Variants in PCDHGB3 observed in about 807,000 individuals in gnomAD.
The protein encoded by PCDHGB3 is protocadherin gamma subfamily B, 3.
PCDHGB3 carries 40 observed loss-of-function variants against 59.2 expected under a neutral mutation model. The ratio of observed to expected loss-of-function variants is 0.68; its 90% confidence interval spans 0.52 to 0.88. PCDHGB3 has a LOEUF of 0.88. Ranked by LOEUF, PCDHGB3 falls within the 40% of genes least tolerant of loss-of-function variation. PCDHGB3 has a pLI of 0.00. For synonymous variants in PCDHGB3, 581 were observed against 503.6 expected (o/e 1.15, Z -2.06); for missense variants, 1,309 against 1,187.9 (o/e 1.10, Z -1.50).
chr5:141,388,448 C>CA, intron 1 of PCDHGB3: 1 of 1,613,760 alleles, frequency 6.2e-7, no homozygotes, highest in Non-Finnish European at 8.5e-7. Context: ...AATCAGATGG[C>CA]AGTAAATACC....
intron 1 of PCDHGB3, chr5:141,392,820 G>C (rs1474865202): frequency 1.3e-6 from 2 of 1,592,748 alleles, no homozygotes; most frequent in Admixed American, 3.6e-5. Context: ...AACAATGGCC[G>C]CTCCACAGAG....
chr5:141,424,140 C>A, intron 1 of PCDHGB3: 1 of 356,082 alleles, frequency 2.8e-6, no homozygotes, highest in Non-Finnish European at 4.1e-6. Flanking sequence ...TAATAGCATG[C>A]TCCCTCTAGC....
In PCDHGB3 at chr5:141,414,653, A is replaced by G. The variant is rs2095771118; in HGVS notation, c.2415+41844A>G. ...AGCAAAGAGAATGCCCAGATTATTT[A>G]CTCCCTGGCTGAAGACACCATCCAG... On this transcript the variant is annotated intron_variant, in intron 1 of 3. Coordinates refer to ENST00000576222, the MANE Select transcript of PCDHGB3 (RefSeq NM_018924.5). 6.2e-7 allele frequency: 1 copy of G among 1,613,644 alleles called. No homozygotes were observed.
chr5:141,384,982 G>C, intron 1 of PCDHGB3: 1 of 1,614,144 alleles, frequency 6.2e-7, no homozygotes, highest in Non-Finnish European at 8.5e-7. Flanking sequence ...GTACCTGGTG[G>C]TGGCGGTGGC....
At chr5:141,506,993 C>T (rs781663602) in intron 3 of PCDHGB3, 18 of 152,184 alleles carry the variant, frequency 1.2e-4, no homozygotes, top group Non-Finnish European at 1.8e-4. Context: ...TTCTCACACT[C>T]GACAGATGAG....
At position 141,470,874 on chromosome 5, in the gene PCDHGB3, T is replaced by G. The variant is rs146599745; in HGVS notation, c.2416-23933T>G. ...AGATAAGTTTTTTGTTTGTTTGTTT[T>G]TTTGTTTTTGTTTTTGTTTTTTGTA... On this transcript the variant is annotated intron_variant, in intron 1 of 3. Coordinates refer to ENST00000576222, the MANE Select transcript of PCDHGB3 (RefSeq NM_018924.5). 1.4e-3 allele frequency among the ~76,000 whole-genome samples: 218 copies of G among 151,820 alleles called. 1 individual carries two copies. Among genetic ancestry groups the G allele is most frequent in the Middle Eastern group, 0.01 (3 of 294 alleles).
At chr5:141,437,939 T>C (rs1055613655) in intron 1 of PCDHGB3, among the ~76,000 whole-genome samples, 3 of 152,152 alleles carry the variant, frequency 2.0e-5, no homozygotes, top group African/African-American at 7.2e-5. Flanking sequence ...GGTTTCACCA[T>C]ATTGGCCAGA....
At chr5:141,492,385 G>A (rs1224771842) in intron 1 of PCDHGB3, among the ~76,000 whole-genome samples, 1 of 152,208 alleles carries the variant, frequency 6.6e-6, no homozygotes, top group Non-Finnish European at 1.5e-5. Context: ...GGCCTGTTCC[G>A]GTCCACTCGC....
At chr5:141,402,335 G>A (rs1157845729) in intron 1 of PCDHGB3, among the ~76,000 whole-genome samples, 1 of 151,508 alleles carries the variant, frequency 6.6e-6, no homozygotes, top group Non-Finnish European at 1.5e-5. Context: ...CAAATATATA[G>A]GTATAAAAAT....
At position 141,476,172 on chromosome 5, in the gene PCDHGB3, T is replaced by C; in HGVS notation, c.2416-18635T>C. 6.2e-7 allele frequency: 1 copy of C among 1,612,930 alleles called. No individual in the cohort carries two copies. The highest frequency in any genetic ancestry group is 1.1e-5 in the South Asian group (1 of 91,026). On this transcript the variant is annotated intron_variant, in intron 1 of 3. Coordinates refer to ENST00000576222, the MANE Select transcript of PCDHGB3 (RefSeq NM_018924.5). This position sits in a 1 kb window ranked among gnomAD's most constrained non-coding sequence, Gnocchi z 7.6. ...GTAAGCACCGGGAGGGTAGTGGGAG[T>C]TTTGCTTCTGCTTGGTGCCTTGAAC...
rs768132114 is a variant in PCDHGB3 at position 141,489,845 on chromosome 5, G to A, written c.2416-4962G>A. 5 of 1,614,188 alleles carry A rather than the reference G, an allele frequency of 3.1e-6. No homozygotes were observed. The highest frequency in any genetic ancestry group is 2.2e-5 in the South Asian group (2 of 91,088). On this transcript the variant is annotated intron_variant, in intron 1 of 3. Transcript: ENST00000576222. This position sits in a 1 kb window ranked among gnomAD's most constrained non-coding sequence, Gnocchi z 4.5. ...CTGGTGCTAGAGCAGCAGCTGGATC[G>A]TGAAGCCCAGGCAAGACATCAGCTG...
chr5:141,411,192 G>C (rs2095472836), intron 1 of PCDHGB3: 1 of 152,098 alleles, frequency 6.6e-6, no homozygotes, highest in African/African-American at 2.4e-5. Flanking sequence ...TGGCATCTAA[G>C]AAAACAAACA....
intron 1 of PCDHGB3, among the ~76,000 whole-genome samples, chr5:141,455,860 ATTATTTATTTAT>A (rs145569377): frequency 0.023 from 3,231 of 139,812 alleles, 82 homozygotes; most frequent in African/African-American, 0.066. Context: ...AATTTCTTTT[ATTATTTATTTAT>A]TTATTTATTT....
At chr5:141,433,099 C>T (rs1003269683) in intron 1 of PCDHGB3, 1 of 1,614,190 alleles carries the variant, frequency 6.2e-7, no homozygotes, top group Non-Finnish European at 8.5e-7. Context: ...ACATGCTCGT[C>T]AGCCAGGAGA....
At chr5:141,470,872 TTTTTTGTTTTTG>T (rs900302332) in intron 1 of PCDHGB3, among the ~76,000 whole-genome samples, 1 of 151,814 alleles carries the variant, frequency 6.6e-6, no homozygotes, top group Non-Finnish European at 1.5e-5. Context: ...GTTTGTTTGT[TTTTTTGTTTTTG>T]TTTTTGTTTT....
chr5:141,430,613 A>T, intron 1 of PCDHGB3: 1 of 679,628 alleles, frequency 1.5e-6, no homozygotes, highest in Admixed American at 3.0e-5. Context: ...CACAAAGCAG[A>T]TAGCTAGGAA....
chr5:141,511,581 T>C lies in PCDHGB3; in HGVS notation c.*408T>C, dbSNP rs2099883862. ...TCTTTCCCGAGTAAGGTGGTTGGGG[T>C]GTTGAAGTACCAAGTAACCTACAAG... On this transcript the variant is annotated 3_prime_UTR_variant, in exon 4 of 4. Transcript: ENST00000576222. 1 of 281,638 alleles carries C rather than the reference T, an allele frequency of 3.6e-6. No homozygotes were observed. The highest frequency in any genetic ancestry group is 2.2e-5 in the African/African-American group (1 of 46,302). 17.4% of individuals were successfully genotyped at this position (281,638 alleles called of 1,614,324 possible). A position where few individuals can be genotyped will look rare whatever the true frequency, so the allele number is the denominator to read the frequency against.
chr5:141,421,650 A>G, intron 1 of PCDHGB3: 1 of 1,613,868 alleles, frequency 6.2e-7, no homozygotes, highest in South Asian at 1.1e-5. Flanking sequence ...AAGTGGAGAT[A>G]AAAGTCAGTG....
chr5:141,375,097 G>T (rs377388001), intron 1 of PCDHGB3: 1 of 1,613,904 alleles, frequency 6.2e-7, no homozygotes, highest in Non-Finnish European at 8.5e-7. Flanking sequence ...TAACTATCTT[G>T]GATGTCAATG....
Sources: allele counts gnomAD v4.1 joint callset (sites outside exome capture counted in the v4.1 genomes callset), GRCh38; gene constraint gnomAD v4.1.1; non-coding constraint Gnocchi (gnomAD v3.1); transcripts MANE v1.5; gene names NCBI Gene and HGNC (gene_info 2026-07-23, HGNC 2026-07-21).